Variants in ITGA1 observed in about 807,000 individuals in gnomAD.
The protein encoded by ITGA1 is integrin subunit alpha 1.
In ITGA1, 85 loss-of-function variants were observed where a neutral mutation model predicts 145.9. That is an observed-to-expected ratio of 0.58 (90% CI 0.49 to 0.70). ITGA1 has a LOEUF of 0.70. ITGA1 is among the 30% of genes least tolerant of loss of function. The probability of loss-of-function intolerance (pLI) is 0.00; values close to 1 mark genes in which losing one functional copy is unlikely to be tolerated. For synonymous variants in ITGA1, 520 were observed against 495.3 expected (o/e 1.05, Z -0.66); for missense variants, 1,351 against 1,418.7 (o/e 0.95, Z 0.77).
At chr5:52,808,869 A>G (rs1322438753) in intron 1 of ITGA1, among the ~76,000 whole-genome samples, 1 of 152,050 alleles carries the variant, frequency 6.6e-6, no homozygotes, top group African/African-American at 2.4e-5. Context: ...CTCAAACACA[A>G]TAGGAGTTTT....
At chr5:52,910,043 C>G in intron 13 of ITGA1, 119 bp from the exon 14 acceptor site, 2 of 969,456 alleles carry the variant, frequency 2.1e-6, no homozygotes, top group South Asian at 3.7e-5. Flanking sequence ...GAAATTTTAC[C>G]AACTTTACCA....
intron 1 of ITGA1, chr5:52,801,217 G>A: frequency 7.7e-7 from 1 of 1,297,336 alleles, no homozygotes; most frequent in Non-Finnish European, 1.1e-6. Flanking sequence ...AGAAGAGAAA[G>A]TCTTTACTTA....
chr5:52,850,518 A>G (rs1226683494), intron 2 of ITGA1, among the ~76,000 whole-genome samples: 1 of 152,172 alleles, frequency 6.6e-6, no homozygotes, highest in Non-Finnish European at 1.5e-5. Flanking sequence ...AAAGAGATTT[A>G]TATCTACTTG....
At chr5:52,797,013 T>C (rs528282022) in intron 1 of ITGA1, among the ~76,000 whole-genome samples, 1 of 152,098 alleles carries the variant, frequency 6.6e-6, no homozygotes, top group African/African-American at 2.4e-5. Flanking sequence ...AAGTGGGAAG[T>C]AAATTTGTAA....
At chr5:52,855,055 A>T (rs926747407) in intron 2 of ITGA1, among the ~76,000 whole-genome samples, 1 of 152,230 alleles carries the variant, frequency 6.6e-6, no homozygotes, top group Non-Finnish European at 1.5e-5. Context: ...AGTTTATAAA[A>T]CAATGTGCCT....
chr5:52,926,202 T>G (rs896418095), intron 19 of ITGA1, among the ~76,000 whole-genome samples: 2 of 152,154 alleles, frequency 1.3e-5, no homozygotes, highest in African/African-American at 2.4e-5. Flanking sequence ...AAACTCAGAT[T>G]TCATGGACGT....
At chr5:52,893,964 C>G in intron 9 of ITGA1, 124 bp downstream of exon 9, 1 of 670,234 alleles carries the variant, frequency 1.5e-6, no homozygotes, top group Non-Finnish European at 2.5e-6. Context: ...TGTACAATAT[C>G]TAGCATGGAA....
intron 1 of ITGA1, among the ~76,000 whole-genome samples, chr5:52,826,114 T>C (rs1748958226): frequency 6.6e-6 from 1 of 152,124 alleles, no homozygotes; most frequent in Non-Finnish European, 1.5e-5. Flanking sequence ...GAGTCATGAA[T>C]GTAAAGGAGA....
intron 15 of ITGA1, among the ~76,000 whole-genome samples, chr5:52,915,799 T>C (rs990660566): frequency 2.0e-5 from 3 of 152,220 alleles, no homozygotes; most frequent in Non-Finnish European, 4.4e-5. Context: ...GAATGAACTC[T>C]TAATTTGGTG....
intron 16 of ITGA1, 119 bp from the exon 17 acceptor site, chr5:52,920,213 G>T (rs1750710390): frequency 2.7e-6 from 2 of 740,254 alleles, no homozygotes; most frequent in East Asian, 5.8e-5. Flanking sequence ...CTGAACAATA[G>T]AATCTTTTTT....
At chr5:52,861,375 T>A (rs1314827731) in intron 2 of ITGA1, 72 bp from the exon 3 acceptor site, 1 of 848,000 alleles carries the variant, frequency 1.2e-6, no homozygotes, top group Non-Finnish European at 2.0e-6. Flanking sequence ...TATCTTAAAA[T>A]CAGTCATAAA....
intron 23 of ITGA1, among the ~76,000 whole-genome samples, chr5:52,937,029 T>G (rs1750975138): frequency 6.9e-6 from 1 of 144,026 alleles, no homozygotes; most frequent in African/African-American, 2.6e-5. Flanking sequence ...TCTTTCCAGT[T>G]TCAAAAAGAC....
At chr5:52,905,676 T>C (rs940800958) in intron 11 of ITGA1, 87 bp from the exon 12 acceptor site, 1 of 1,073,424 alleles carries the variant, frequency 9.3e-7, no homozygotes, top group Non-Finnish European at 1.3e-6. Flanking sequence ...TAAAAATGAT[T>C]ATCTTGGCCA....
intron 6 of ITGA1, among the ~76,000 whole-genome samples, chr5:52,874,159 T>A (rs1311051464): frequency 6.6e-6 from 1 of 152,000 alleles, no homozygotes; most frequent in Non-Finnish European, 1.5e-5. Flanking sequence ...GTGAGGGCCT[T>A]GCGCTTGGGT....
intron 1 of ITGA1, among the ~76,000 whole-genome samples, chr5:52,837,594 G>A (rs1749181121): frequency 6.6e-6 from 1 of 151,968 alleles, no homozygotes; most frequent in African/African-American, 2.4e-5. Context: ...TTAGTCACTA[G>A]TGTTGTGATT....
At chr5:52,801,322 T>A in intron 1 of ITGA1, 1 of 1,217,150 alleles carries the variant, frequency 8.2e-7, no homozygotes, top group Non-Finnish European at 1.2e-6. Context: ...GAAGCCTTAC[T>A]AGCGCTTTTG....
intron 16 of ITGA1, among the ~76,000 whole-genome samples, chr5:52,919,827 TTTTATTGAACC>T (rs1276165412): frequency 6.6e-6 from 1 of 152,180 alleles, no homozygotes; most frequent in East Asian, 1.9e-4. Flanking sequence ...GGTATGCTTA[TTTTATTGAACC>T]TTAATAGTGG....
At chr5:52,796,548 A>G (rs1374541582) in intron 1 of ITGA1, among the ~76,000 whole-genome samples, 1 of 152,052 alleles carries the variant, frequency 6.6e-6, no homozygotes, top group African/African-American at 2.4e-5. Flanking sequence ...ATATATAACT[A>G]CAGCAGTTTC....
At chr5:52,900,312 G>A (rs1311735365) in intron 11 of ITGA1, among the ~76,000 whole-genome samples, 1 of 152,062 alleles carries the variant, frequency 6.6e-6, no homozygotes, top group African/African-American at 2.4e-5. Context: ...CCTATATAAT[G>A]GATGACATAT....
Sources: allele counts gnomAD v4.1 joint callset (sites outside exome capture counted in the v4.1 genomes callset), GRCh38; gene constraint gnomAD v4.1.1; transcripts MANE v1.5; gene names NCBI Gene and HGNC (gene_info 2026-07-23, HGNC 2026-07-21).